Variants in ERC2 observed in about 807,000 individuals in gnomAD.
ERC2 encodes ERC protein 2.
Under a neutral mutation model 114.8 loss-of-function variants are expected in ERC2, and 42 were observed. That is an observed-to-expected ratio of 0.37 (90% CI 0.29 to 0.47). ERC2 has a LOEUF of 0.47. ERC2 is among the 20% of genes least tolerant of loss of function. The pLI is 0.99. For synonymous variants in ERC2, 454 were observed against 425.5 expected, an observed-to-expected ratio of 1.07 and a Z score of -0.82; for missense variants, 939 against 1,150.7, an observed-to-expected ratio of 0.82 and a Z score of 2.66.
chr3:55,701,306 G>A (rs2063213260), intron 15 of ERC2, among the ~76,000 whole-genome samples: 1 of 152,082 alleles, frequency 6.6e-6, no homozygotes. Context: ...TCTTGACATA[G>A]AACATGGAGA....
intron 3 of ERC2, among the ~76,000 whole-genome samples, chr3:56,216,609 T>C (rs141424395): frequency 0.029 from 4,454 of 152,098 alleles, 69 homozygotes; most frequent in Middle Eastern, 0.058. Flanking sequence ...TTCCCATCAA[T>C]AGAAAGAGGG....
chr3:55,638,822 T>C (rs2060058583), intron 17 of ERC2, among the ~76,000 whole-genome samples: 1 of 152,230 alleles, frequency 6.6e-6, no homozygotes, highest in South Asian at 2.1e-4. Flanking sequence ...ACTTTACGCA[T>C]TGTTCTTTAT....
chr3:55,562,076 T>C (rs942323221), intron 17 of ERC2, among the ~76,000 whole-genome samples: 1 of 152,236 alleles, frequency 6.6e-6, no homozygotes, highest in Non-Finnish European at 1.5e-5. Flanking sequence ...TCGCCTGGGC[T>C]GCTGGATTGA....
chr3:56,395,904 G>A (rs2060289485), intron 2 of ERC2, among the ~76,000 whole-genome samples: 1 of 152,202 alleles, frequency 6.6e-6, no homozygotes, highest in African/African-American at 2.4e-5. Context: ...CCACCAGTGG[G>A]TTAGTATCTC....
In ERC2 at chr3:55,682,575, G is replaced by C. The variant is rs368370971; in HGVS notation, c.*39+1219C>G. ...ATGAAACGTCACCCACAGGCCAAAC[G>C]TACCAGCTCTTGGTTAAACTTCACC... On this transcript the variant is annotated intron_variant, in intron 17 of 17. Coordinates refer to ENST00000288221, the MANE Select transcript of ERC2 (RefSeq NM_015576.3). Among the ~76,000 whole-genome samples the C allele has an allele frequency of 9.2e-5, 14 of 152,190 alleles. No homozygotes were observed. The East Asian group carries it at 2.7e-3, about 29-fold the overall frequency.
chr3:55,978,004 G>A (rs79902347), intron 12 of ERC2, among the ~76,000 whole-genome samples: 10 of 152,106 alleles, frequency 6.6e-5, no homozygotes, highest in African/African-American at 1.9e-4. Flanking sequence ...TAAATACTAC[G>A]GATCTGCTTC....
intron 2 of ERC2, among the ~76,000 whole-genome samples, chr3:56,344,278 G>A (rs1182508502): frequency 6.6e-6 from 1 of 152,172 alleles, no homozygotes; most frequent in East Asian, 1.9e-4. Flanking sequence ...CTTTAGCCCT[G>A]GAGCACAACC....
chr3:55,953,782 A>T (rs947945688), intron 12 of ERC2, among the ~76,000 whole-genome samples: 5 of 152,142 alleles, frequency 3.3e-5, no homozygotes, highest in Admixed American at 1.3e-4. Flanking sequence ...ATGCTCAGTG[A>T]AAAAATGACC....
rs111937502 is a variant in ERC2, at chr3:56,241,135, T to C, written c.1074+54884A>G. 2.5e-3 allele frequency among the ~76,000 whole-genome samples: 383 copies of C among 152,252 alleles called. 1 individual carries two copies. Among genetic ancestry groups the C allele is most frequent in the African/African-American group, 8.9e-3 (370 of 41,564 alleles). ...GGATAATGGCATCCAGCTCCATCCA[T>C]ATTGCTGTGAAAGACATGAAAAGGA... is the stretch of plus-strand genomic sequence containing the variant. On this transcript the variant is annotated intron_variant, in intron 3 of 17. Coordinates refer to ENST00000288221, the MANE Select transcript of ERC2 (RefSeq NM_015576.3).
Position 55,527,129 on chromosome 3 carries a change from T to C in ERC2, c.*40-15853A>G, listed in dbSNP as rs373552981. On this transcript the variant is annotated intron_variant, in intron 17 of 17. Transcript: ENST00000288221. ...TGAATCAGTGAATGAATGAAGACCT[T>C]GGGCTCTTTAATCCAACTGAATTTG... Among the ~76,000 whole-genome samples the C allele has an allele frequency of 1.9e-3, 282 of 152,378 alleles. 3 individuals are homozygous for C. Among genetic ancestry groups the C allele is most frequent in the African/African-American group, 6.6e-3 (274 of 41,602 alleles).
Position 55,601,449 on chromosome 3 carries a change from T to A in ERC2, c.*39+82345A>T, listed in dbSNP as rs139244446. 3.9e-3 allele frequency among the ~76,000 whole-genome samples: 589 copies of A among 152,316 alleles called. 1 individual carries two copies. Among genetic ancestry groups the A allele is most frequent in the Admixed American group, 7.5e-3 (115 of 15,308 alleles). ...CTATCTTCATTAATTTGTTAATTGT[T>A]TAAAAAGCTACTCAGACTGCCCTGA... On this transcript the variant is annotated intron_variant, in intron 17 of 17. Coordinates refer to ENST00000288221, the MANE Select transcript of ERC2 (RefSeq NM_015576.3).
chr3:55,630,350 G>T (rs2059700029), intron 17 of ERC2, among the ~76,000 whole-genome samples: 1 of 152,098 alleles, frequency 6.6e-6, no homozygotes, highest in Non-Finnish European at 1.5e-5. Flanking sequence ...TGTATTTTTA[G>T]TAGAGACGGG....
chr3:55,708,243 G>A (rs986499186), intron 15 of ERC2, among the ~76,000 whole-genome samples: 3 of 152,266 alleles, frequency 2.0e-5, no homozygotes, highest in East Asian at 1.9e-4. Flanking sequence ...CCACACTAGC[G>A]TTTAATGCTT....
chr3:55,569,955 T>C (rs2056614232), intron 17 of ERC2, among the ~76,000 whole-genome samples: 1 of 151,502 alleles, frequency 6.6e-6, no homozygotes, highest in African/African-American at 2.4e-5. Context: ...CCTCCCGGGT[T>C]CAAGCGATTT....
chr3:56,424,864 G>A (rs1325942462), intron 2 of ERC2, among the ~76,000 whole-genome samples: 1 of 152,110 alleles, frequency 6.6e-6, no homozygotes, highest in Non-Finnish European at 1.5e-5. Flanking sequence ...ATATTATCCA[G>A]TTCTAAATAC....
At chr3:55,954,102 AAAAAAAAAAAG>A (rs1268592458) in intron 12 of ERC2, among the ~76,000 whole-genome samples, 1 of 127,066 alleles carries the variant, frequency 7.9e-6, no homozygotes, top group South Asian at 2.5e-4. Context: ...AAAAAAAAAA[AAAAAAAAAAAG>A]GTTTCTTTGG....
At chr3:56,181,263 T>C (rs1305324368) in intron 3 of ERC2, among the ~76,000 whole-genome samples, 2 of 152,226 alleles carry the variant, frequency 1.3e-5, no homozygotes, top group Non-Finnish European at 2.9e-5. Flanking sequence ...GTTATTTCTG[T>C]TTGGAATAAT....
intron 13 of ERC2, among the ~76,000 whole-genome samples, chr3:55,902,621 T>A (rs1319377114): frequency 6.6e-6 from 1 of 152,176 alleles, no homozygotes; most frequent in Non-Finnish European, 1.5e-5. Flanking sequence ...ATGGAATAAG[T>A]ATTCACACAA....
chr3:56,166,916 C>A (rs1329598525), intron 4 of ERC2, among the ~76,000 whole-genome samples: 8 of 151,896 alleles, frequency 5.3e-5, no homozygotes, highest in Non-Finnish European at 7.4e-5. Context: ...TTTATTATTT[C>A]TTTCTCTCCA....
Sources: allele counts gnomAD v4.1 joint callset (sites outside exome capture counted in the v4.1 genomes callset), GRCh38; gene constraint gnomAD v4.1.1; transcripts MANE v1.5; gene names NCBI Gene and HGNC (gene_info 2026-07-23, HGNC 2026-07-21).